NDFIP1: variants seen among roughly 807,000 people sequenced by gnomAD.
NDFIP1 encodes NEDD4 family-interacting protein 1.
In NDFIP1, 7 loss-of-function variants were observed where a neutral mutation model predicts 28.8. The ratio of observed to expected loss-of-function variants is 0.24; its 90% CI spans 0.14 to 0.46. The LOEUF (loss-of-function observed/expected upper bound fraction) is 0.46. Among genes scored for constraint, NDFIP1 ranks in the 20% least tolerant of loss-of-function variants. The pLI, the probability that NDFIP1 is intolerant of heterozygous loss-of-function variation, is 0.99. For synonymous variants in NDFIP1, 92 were observed against 101.0 expected (o/e 0.91, Z 0.53); for missense variants, 194 against 269.1 (o/e 0.72, Z 1.95).
In NDFIP1 at chr5:142,115,236, T is replaced by G. The variant is rs140392947; in HGVS notation, c.63+6199T>G. Among the ~76,000 whole-genome samples the G allele has an allele frequency of 1.1e-3, 172 of 152,354 alleles. 1 individual carries two copies. Among genetic ancestry groups the G allele is most frequent in the African/African-American group, 3.9e-3 (163 of 41,594 alleles). On this transcript the variant is annotated intron_variant, in intron 1 of 7. Transcript: ENST00000253814. ...ATTATTTTGGTTTCTTAAAATGTTC[T>G]TGTTTTACCTTTAAGCAAGTACAAC...
chr5:142,143,578 GA>G (rs1757357662), intron 6 of NDFIP1: 1 of 152,162 alleles, frequency 6.6e-6, no homozygotes, highest in African/African-American at 2.4e-5. Context: ...TCTGAAAGAG[GA>G]AGGCCAGGAG....
chr5:142,125,695 T>C (rs998353682), intron 1 of NDFIP1, among the ~76,000 whole-genome samples: 2 of 152,162 alleles, frequency 1.3e-5, no homozygotes, highest in African/African-American at 4.8e-5. Flanking sequence ...TGCCAAACTT[T>C]TCCACAGCAG....
rs900653751 is a variant in NDFIP1 at position 142,108,845 on chromosome 5, G to C, written c.-130G>C. 3 of 692,164 alleles carry C rather than the reference G, an allele frequency of 4.3e-6. No individual in the cohort carries two copies. Among genetic ancestry groups the C allele is most frequent in the African/African-American group, 3.8e-5 (2 of 52,806 alleles). The allele number at this position is 692,164 out of a possible 1,614,324, so 42.9% of individuals were successfully genotyped here. On this transcript the variant is annotated 5_prime_UTR_variant, in exon 1 of 8. Transcript: ENST00000253814. The stretch of plus-strand genomic sequence containing the variant: ...AGCCTGAGAAGAGCGTCTCGCCCGG[G>C]AGCGGCGGCGGCCATCGAGACCCAC...
intron 1 of NDFIP1, among the ~76,000 whole-genome samples, chr5:142,117,411 T>A (rs563283001): frequency 6.9e-4 from 105 of 151,910 alleles, no homozygotes; most frequent in African/African-American, 2.4e-3. Flanking sequence ...GCCCAGCTAA[T>A]TTTTTCTATT....
chr5:142,120,196 TCTG>T (rs1757109928), intron 1 of NDFIP1, among the ~76,000 whole-genome samples: 1 of 152,214 alleles, frequency 6.6e-6, no homozygotes, highest in African/African-American at 2.4e-5. Context: ...CCTCAGGCAA[TCTG>T]CCCACCTCAG....
Position 142,148,055 on chromosome 5 carries a change from A to T in NDFIP1, c.*2+3379A>T, listed in dbSNP as rs1019825548. ...AGAAAGACACAGGTAGGGAATTTTT[A>T]AAATAACTTTGCCAGAAAGATACAG... On this transcript the variant is annotated intron_variant, in intron 7 of 7. Coordinates refer to ENST00000253814, the MANE Select transcript of NDFIP1 (RefSeq NM_030571.4). 5.3e-5 allele frequency among the ~76,000 whole-genome samples: 8 copies of T among 152,348 alleles called. No individual in the cohort carries two copies. In the South Asian group the frequency reaches 1.2e-3, roughly 24 times the overall value.
chr5:142,128,522 T>TA (rs1200200827), intron 1 of NDFIP1, among the ~76,000 whole-genome samples: 2 of 152,204 alleles, frequency 1.3e-5, no homozygotes, highest in African/African-American at 4.8e-5. Flanking sequence ...GTTCAGCAAG[T>TA]TATTATGCAT....
Position 142,130,153 on chromosome 5 carries a change from T to C in NDFIP1, c.64-1655T>C, listed in dbSNP as rs10057140. ...ATATCACTAAATATTCTGTTATTAATTTTCAGATTGGCTCCTAGTCCCAGC... is the reference window on the plus strand; with the variant it reads ...ATATCACTAAATATTCTGTTATTAACTTTCAGATTGGCTCCTAGTCCCAGC... On this transcript the variant is annotated intron_variant, in intron 1 of 7. Transcript: ENST00000253814. Among the ~76,000 whole-genome samples, 1,503 of 152,254 alleles carry C rather than the reference T, an allele frequency of 9.9e-3. 24 individuals are homozygous for C. Among genetic ancestry groups the C allele is most frequent in the African/African-American group, 0.035 (1,436 of 41,540 alleles).
chr5:142,135,460 T>C (rs1043730677), intron 3 of NDFIP1, among the ~76,000 whole-genome samples: 1 of 152,224 alleles, frequency 6.6e-6, no homozygotes, highest in Admixed American at 6.5e-5. Context: ...TTTTGAAGTG[T>C]ATTAAATTTT....
intron 7 of NDFIP1, among the ~76,000 whole-genome samples, chr5:142,150,196 AAAAAT>A (rs200634877): frequency 0.43 from 38,861 of 90,780 alleles, 6,170 homozygotes; most frequent in Middle Eastern, 0.46. Context: ...AAAAAAAAAA[AAAAAT>A]ATATAGAAAC....
intron 7 of NDFIP1, among the ~76,000 whole-genome samples, chr5:142,146,476 T>C (rs1757390908): frequency 6.6e-6 from 1 of 152,234 alleles, no homozygotes; most frequent in South Asian, 2.1e-4. Flanking sequence ...GTTTAACTTT[T>C]ACCTATCAAG....
In NDFIP1 at chr5:142,117,728, C is replaced by CTTTTTTT. The variant is rs10699168; in HGVS notation, c.63+8703_63+8709dup. Among the ~76,000 whole-genome samples the CTTTTTTT allele has an allele frequency of 1.1e-4, 13 of 116,090 alleles. 2 individuals are homozygous for CTTTTTTT. Among genetic ancestry groups the CTTTTTTT allele is most frequent in the Non-Finnish European group, 1.0e-4 (6 of 59,076 alleles). The allele number at this position is 116,090 out of a possible 152,430, so 76.2% of individuals were successfully genotyped here. A position where few individuals can be genotyped will look rare whatever the true frequency, so the allele number is the denominator to read the frequency against. ...TCAAGTTTGGTGTGTGTTCTACAGG[C>CTTTTTTT]TTTTTTTTTTTTTTTTTTGAGACAG... is the stretch of plus-strand genomic sequence containing the variant. On this transcript the variant is annotated intron_variant, in intron 1 of 7. Coordinates refer to ENST00000253814, the MANE Select transcript of NDFIP1 (RefSeq NM_030571.4).
intron 7 of NDFIP1, among the ~76,000 whole-genome samples, chr5:142,145,585 A>G (rs1757380699): frequency 1.3e-5 from 2 of 152,256 alleles, no homozygotes; most frequent in South Asian, 4.2e-4. Context: ...GATAAACTTT[A>G]CATGATAGTG....
At chr5:142,132,168 A>T (rs1374477971) in intron 2 of NDFIP1, 44 bp from the exon 3 acceptor site, 1 of 1,599,682 alleles carries the variant, frequency 6.3e-7, no homozygotes, top group Admixed American at 1.7e-5. Flanking sequence ...TTTTATTTCA[A>T]TTCAGCTAAT....
rs914057473 is a variant in NDFIP1, at chr5:142,153,608, A to T, written c.*1880A>T. The T allele has an allele frequency of 1.8e-5, 5 of 275,392 alleles. No homozygotes were observed. The highest frequency in any genetic ancestry group is 3.7e-5 in the Non-Finnish European group (5 of 135,458). 17.1% of individuals were successfully genotyped at this position (275,392 alleles called of 1,614,324 possible). On this transcript the variant is annotated 3_prime_UTR_variant, in exon 8 of 8. Coordinates refer to ENST00000253814, the MANE Select transcript of NDFIP1 (RefSeq NM_030571.4). Reference sequence around the variant, plus strand: ...GAGTTTTATGGAAGTTTCTTTGAAGATTTTTTTTTTTCCATTTCGAATCAG... The same window carrying T: ...GAGTTTTATGGAAGTTTCTTTGAAGTTTTTTTTTTTTCCATTTCGAATCAG...
rs191538553 is a variant in NDFIP1 at position 142,145,679 on chromosome 5, G to A, written c.*2+1003G>A. ...AAGTATGGGGCTTGTTCAGAGGATAGCAGCTTGATTGGGGCATAAAGGAGT... is the reference window on the plus strand; with the variant it reads ...AAGTATGGGGCTTGTTCAGAGGATAACAGCTTGATTGGGGCATAAAGGAGT... On this transcript the variant is annotated intron_variant, in intron 7 of 7. Transcript: ENST00000253814. Among the ~76,000 whole-genome samples the A allele has an allele frequency of 1.1e-3, 164 of 152,248 alleles. 1 individual carries two copies. The highest frequency in any genetic ancestry group is 1.9e-3 in the Non-Finnish European group (128 of 68,014).
intron 1 of NDFIP1, among the ~76,000 whole-genome samples, chr5:142,113,654 C>T (rs1316600385): frequency 2.0e-5 from 3 of 152,206 alleles, no homozygotes; most frequent in Non-Finnish European, 4.4e-5. Context: ...ACCAGTCCAT[C>T]TCCAGAACTT....
At chr5:142,138,882 C>CCT (rs1757299648) in intron 5 of NDFIP1, among the ~76,000 whole-genome samples, 1 of 147,212 alleles carries the variant, frequency 6.8e-6, no homozygotes, top group East Asian at 2.0e-4. Context: ...TAATTCCAGT[C>CCT]TTTTTTTTTT....
chr5:142,125,974 CTCTTA>C (rs1356102166), intron 1 of NDFIP1, among the ~76,000 whole-genome samples: 19 of 152,096 alleles, frequency 1.2e-4, no homozygotes, highest in African/African-American at 4.1e-4. Context: ...TGTTTAGTCT[CTCTTA>C]TCTTGTCAGA....
Sources: allele counts gnomAD v4.1 joint callset (sites outside exome capture counted in the v4.1 genomes callset), GRCh38; gene constraint gnomAD v4.1.1; transcripts MANE v1.5; gene names NCBI Gene and HGNC (gene_info 2026-07-23, HGNC 2026-07-21).